Variants in EXOC1 observed in about 807,000 individuals in gnomAD.
The protein encoded by EXOC1 is exocyst complex component 1, also known as SEC3-like 1.
EXOC1 carries 67 observed loss-of-function variants against 107.7 expected under a neutral mutation model. The observed-to-expected ratio is 0.62, with a 90% CI of 0.51 to 0.76. EXOC1 has a LOEUF of 0.76. Among genes scored for constraint, EXOC1 ranks in the 30% least tolerant of loss-of-function variants. The pLI is 0.00. For synonymous variants in EXOC1, 348 were observed against 353.5 expected (o/e 0.98, Z 0.17); for missense variants, 833 against 1,055.7 (o/e 0.79, Z 2.92).
chr4:55,882,937 G>T (rs1007885741), intron 9 of EXOC1: 2 of 151,800 alleles, frequency 1.3e-5, no homozygotes, highest in African/African-American at 4.8e-5. Context: ...TCTGTTTGTG[G>T]CATTTAACTT....
chr4:55,887,788 A>C (rs954945570), intron 10 of EXOC1, among the ~76,000 whole-genome samples: 1 of 152,062 alleles, frequency 6.6e-6, no homozygotes, highest in Non-Finnish European at 1.5e-5. Context: ...TGCTGAACAT[A>C]GCATAGTGAC....
intron 3 of EXOC1, among the ~76,000 whole-genome samples, chr4:55,864,018 A>C (rs867206937): frequency 7.9e-5 from 12 of 152,242 alleles, no homozygotes; most frequent in African/African-American, 2.9e-4. Context: ...AAATGACCAC[A>C]ACAGTATGTT....
At chr4:55,901,613 C>T (rs551566127) in intron 17 of EXOC1, among the ~76,000 whole-genome samples, 1 of 152,026 alleles carries the variant, frequency 6.6e-6, no homozygotes, top group Admixed American at 6.6e-5. Context: ...TGAATCACTA[C>T]TAAACATATA....
chr4:55,870,930 CA>C (rs200303000), intron 6 of EXOC1, 25 bp downstream of exon 6: 108 of 1,542,716 alleles, frequency 7.0e-5, no homozygotes, highest in Middle Eastern at 3.5e-4. Context: ...AAATTACCAA[CA>C]AAAAAAAACT....
rs999878482 is a variant in EXOC1, at chr4:55,876,435, C to T, written c.1075-1482C>T. On this transcript the variant is annotated intron_variant, in intron 8 of 18. Coordinates refer to ENST00000381295, the MANE Select transcript of EXOC1 (RefSeq NM_001024924.2). ...TAATCACTCCAAGCACATGTTTTTGCAACAAAAAATATGAATAGTCACTCT... is the reference window on the plus strand; with the variant it reads ...TAATCACTCCAAGCACATGTTTTTGTAACAAAAAATATGAATAGTCACTCT... 56 of 673,400 alleles carry T rather than the reference C, an allele frequency of 8.3e-5. No individual in the cohort carries two copies. The African/African-American group carries it at 1.0e-3, about 13-fold the overall frequency. 41.7% of individuals were successfully genotyped at this position (673,400 alleles called of 1,614,324 possible). A position where few individuals can be genotyped will look rare whatever the true frequency, so the allele number is the denominator to read the frequency against.
Position 55,892,643 on chromosome 4 carries a change from A to G in EXOC1, c.1656A>G (p.Ala552=), listed in dbSNP as rs1490238838. ...HQSMPGTMAE[A]EDLDGGTLSR... ...CTGAATAATTTTTGCAGGCTGAAGC[A>G]GAGGACCTGGATGGAGGAACATTAT... Residue 552 remains alanine (A), a synonymous_variant, in exon 14 of 19, where the codon GCA becomes GCG. Coordinates refer to ENST00000381295, the MANE Select transcript of EXOC1 (RefSeq NM_001024924.2). 1 of 1,614,006 alleles carries G rather than the reference A, an allele frequency of 6.2e-7. No homozygotes were observed. The highest frequency in any genetic ancestry group is 8.5e-7 in the Non-Finnish European group (1 of 1,179,964).
chr4:55,871,706 C>T, intron 7 of EXOC1, 143 bp from the exon 8 acceptor site: 1 of 642,570 alleles, frequency 1.6e-6, no homozygotes, highest in Admixed American at 3.3e-5. Flanking sequence ...CCATTTTTCT[C>T]CTGCTTAACT....
chr4:55,901,360 T>G (rs1725888956), intron 17 of EXOC1, among the ~76,000 whole-genome samples: 1 of 152,180 alleles, frequency 6.6e-6, no homozygotes, highest in South Asian at 2.1e-4. Context: ...AATGATAATT[T>G]AATGAATAAT....
intron 8 of EXOC1, chr4:55,876,687 A>G: frequency 1.0e-6 from 1 of 985,304 alleles, no homozygotes; most frequent in African/African-American, 1.7e-5. Flanking sequence ...TCATTTTGTG[A>G]TATTTTTCTG....
intron 1 of EXOC1, among the ~76,000 whole-genome samples, chr4:55,857,778 C>A (rs1721135257): frequency 6.6e-6 from 1 of 152,138 alleles, no homozygotes; most frequent in Admixed American, 6.5e-5. Context: ...TCATCTTCAC[C>A]AACACTTGTT....
intron 8 of EXOC1, among the ~76,000 whole-genome samples, chr4:55,873,319 A>G (rs1315369342): frequency 6.6e-6 from 1 of 152,152 alleles, no homozygotes; most frequent in Non-Finnish European, 1.5e-5. Flanking sequence ...GATTCCCTTA[A>G]CATTCCACTT....
intron 6 of EXOC1, 25 bp downstream of exon 6, chr4:55,870,930 C>CA (rs200303000): frequency 6.6e-4 from 1,013 of 1,535,766 alleles, no homozygotes; most frequent in Admixed American, 1.2e-3. Flanking sequence ...AAATTACCAA[C>CA]AAAAAAAAAC....
intron 10 of EXOC1, among the ~76,000 whole-genome samples, chr4:55,887,380 T>C (rs1724023394): frequency 6.6e-6 from 1 of 152,148 alleles, no homozygotes; most frequent in Admixed American, 6.5e-5. Context: ...ATAAATTACC[T>C]ATTATCTAAT....
At chr4:55,859,031 T>G (rs1721237477) in intron 2 of EXOC1, among the ~76,000 whole-genome samples, 2 of 152,204 alleles carry the variant, frequency 1.3e-5, no homozygotes, top group Admixed American at 1.3e-4. Flanking sequence ...CCTTTTACAG[T>G]TTAGTCTTAG....
At chr4:55,874,690 A>T (rs949946517) in intron 8 of EXOC1, among the ~76,000 whole-genome samples, 2 of 152,160 alleles carry the variant, frequency 1.3e-5, no homozygotes, top group African/African-American at 4.8e-5. Context: ...AATGTTACAT[A>T]AAGAGTAGTT....
At position 55,872,098 on chromosome 4, in the gene EXOC1, TAGG is replaced by T. The variant is rs1935426958; in HGVS notation, c.1074+143_1074+145del. 6 of 791,492 alleles carry T rather than the reference TAGG, an allele frequency of 7.6e-6. No individual in the cohort carries two copies. In the South Asian group the frequency reaches 7.7e-5, roughly 10 times the overall value. 49.0% of individuals were successfully genotyped at this position (791,492 alleles called of 1,614,324 possible). A position where few individuals can be genotyped will look rare whatever the true frequency, so the allele number is the denominator to read the frequency against. Reference sequence around the variant, plus strand: ...CATATTTGATTTTAAGATTTTGAAATAGGAGCCTCTTTGCTCATAGATGTACTT... The same window carrying T: ...CATATTTGATTTTAAGATTTTGAAATAGCCTCTTTGCTCATAGATGTACTT... On this transcript the variant is annotated intron_variant, in intron 8 of 18. Coordinates refer to ENST00000381295, the MANE Select transcript of EXOC1 (RefSeq NM_001024924.2).
intron 8 of EXOC1, 95 bp downstream of exon 8, chr4:55,872,053 G>A: frequency 9.3e-7 from 1 of 1,080,740 alleles, no homozygotes; most frequent in Non-Finnish European, 1.3e-6. Context: ...GTTTAATTGG[G>A]GTTGCAGTCA....
chr4:55,867,306 GT>G (rs763363206), intron 4 of EXOC1, among the ~76,000 whole-genome samples: 1 of 152,234 alleles, frequency 6.6e-6, no homozygotes, highest in South Asian at 2.1e-4. Flanking sequence ...TGTACCAAAA[GT>G]TTTAGTCTTC....
intron 15 of EXOC1, among the ~76,000 whole-genome samples, chr4:55,894,614 CTTTTTTTTTTTTTT>C (rs772700227): frequency 2.6e-5 from 2 of 76,116 alleles, no homozygotes; most frequent in African/African-American, 1.1e-4. Context: ...CTATCTGTTA[CTTTTTTTTTTTTTT>C]TTTTTTTTTT....
Sources: gnomAD v4.1 joint callset for allele counts (sites outside exome capture counted in the v4.1 genomes callset) on GRCh38, gnomAD v4.1.1 for gene constraint, MANE v1.5 for transcripts, NCBI Gene and HGNC (gene_info 2026-07-23, HGNC 2026-07-21) for gene names.